Variants in DTNB observed in about 807,000 individuals in gnomAD.
DTNB encodes the protein DTN-B.
DTNB carries 63 observed loss-of-function variants against 90.7 expected under a neutral mutation model. The observed-to-expected ratio is 0.69, with a 90% CI of 0.57 to 0.86. The LOEUF is 0.86. DTNB is among the 40% of genes least tolerant of loss of function. DTNB has a pLI of 0.00. For missense variants in DTNB, 744 were observed against 807.1 expected (o/e 0.92, Z 0.95); for synonymous variants, 277 against 286.7 (o/e 0.97, Z 0.34).
At chr2:25,517,815 G>T (rs951193784) in intron 9 of DTNB, among the ~76,000 whole-genome samples, 3 of 152,134 alleles carry the variant, frequency 2.0e-5, no homozygotes, top group Admixed American at 6.5e-5. Context: ...TCTTACCAAC[G>T]GTGGATGAAT....
intron 8 of DTNB, among the ~76,000 whole-genome samples, chr2:25,567,276 A>G (rs2059187068): frequency 6.6e-6 from 1 of 152,192 alleles, no homozygotes; most frequent in South Asian, 2.1e-4. Context: ...CCATGAATAC[A>G]TATTATCTTT....
chr2:25,611,702 T>C (rs1367176031), intron 4 of DTNB, among the ~76,000 whole-genome samples: 1 of 152,152 alleles, frequency 6.6e-6, no homozygotes, highest in Admixed American at 6.5e-5. Context: ...ATCTGGGAAC[T>C]GTGGCGCATG....
At position 25,395,612 on chromosome 2, in the gene DTNB, G is replaced by C. The variant is rs528783759; in HGVS notation, c.1576-7251C>G. Among the ~76,000 whole-genome samples, 16 of 150,578 alleles carry C rather than the reference G, an allele frequency of 1.1e-4. 1 individual carries two copies. Among genetic ancestry groups the C allele is most frequent in the African/African-American group, 3.4e-4 (14 of 41,066 alleles). The stretch of plus-strand genomic sequence containing the variant: ...TACATACATCTCTCTAACCACATCA[G>C]CATCAGTTTCTAGCAATAGCAAATA... On this transcript the variant is annotated intron_variant, in intron 16 of 20. Coordinates refer to ENST00000406818, the MANE Select transcript of DTNB (RefSeq NM_021907.5).
intron 8 of DTNB, among the ~76,000 whole-genome samples, chr2:25,550,785 A>T (rs181617654): frequency 3.9e-4 from 59 of 152,182 alleles, no homozygotes; most frequent in Non-Finnish European, 6.3e-4. Context: ...GAGTAGCTGG[A>T]ACCACAGGCA....
intron 12 of DTNB, among the ~76,000 whole-genome samples, chr2:25,450,719 T>A (rs1324779095): frequency 1.3e-5 from 2 of 152,244 alleles, no homozygotes; most frequent in Non-Finnish European, 2.9e-5. Flanking sequence ...TTAATTTCTT[T>A]TAGCAATGTT....
intron 8 of DTNB, among the ~76,000 whole-genome samples, chr2:25,540,127 G>C (rs1054973065): frequency 6.6e-6 from 1 of 151,972 alleles, no homozygotes; most frequent in Non-Finnish European, 1.5e-5. Context: ...CACTATCTTC[G>C]GCCCTTTGCA....
chr2:25,594,383 A>G (rs1414741532), intron 6 of DTNB, among the ~76,000 whole-genome samples: 1 of 152,246 alleles, frequency 6.6e-6, no homozygotes, highest in Non-Finnish European at 1.5e-5. Flanking sequence ...TTTGGGAAGA[A>G]TATCTCCTCA....
At chr2:25,554,797 C>T (rs2056992736) in intron 8 of DTNB, among the ~76,000 whole-genome samples, 1 of 152,052 alleles carries the variant, frequency 6.6e-6, no homozygotes, top group Non-Finnish European at 1.5e-5. Context: ...CACCATGATG[C>T]TATTTTGATG....
intron 16 of DTNB, among the ~76,000 whole-genome samples, chr2:25,395,234 G>A (rs1293533108): frequency 6.6e-6 from 1 of 152,164 alleles, no homozygotes; most frequent in Non-Finnish European, 1.5e-5. Flanking sequence ...CGGGGAAAGG[G>A]TGGGGTGTGG....
chr2:25,431,522 C>T (rs1297084026), intron 14 of DTNB, among the ~76,000 whole-genome samples: 1 of 152,188 alleles, frequency 6.6e-6, no homozygotes, highest in Non-Finnish European at 1.5e-5. Context: ...TCTGATTACT[C>T]CAACTTCAGA....
intron 19 of DTNB, among the ~76,000 whole-genome samples, chr2:25,380,710 C>T (rs993202732): frequency 3.9e-5 from 6 of 152,148 alleles, no homozygotes; most frequent in African/African-American, 1.4e-4. Flanking sequence ...GAAAGGGAAA[C>T]CCAGTCTGAT....
chr2:25,427,297 T>A (rs1359428005), intron 15 of DTNB, among the ~76,000 whole-genome samples: 1 of 152,104 alleles, frequency 6.6e-6, no homozygotes, highest in Non-Finnish European at 1.5e-5. Context: ...TCTTATTTAT[T>A]CATAAAAGCA....
intron 2 of DTNB, chr2:25,650,243 T>C: frequency 1.0e-6 from 1 of 985,460 alleles, no homozygotes; most frequent in Non-Finnish European, 1.2e-6. Context: ...TTTCCTATTT[T>C]GTCTGCTTCC....
chr2:25,562,096 T>C (rs900659130), intron 8 of DTNB, among the ~76,000 whole-genome samples: 51 of 152,234 alleles, frequency 3.4e-4, no homozygotes, highest in African/African-American at 1.1e-3. Context: ...ACTACTAATG[T>C]ACATTCTGTT....
At chr2:25,526,395 A>ATATATATATATATTT in intron 9 of DTNB, among the ~76,000 whole-genome samples, 34 of 49,824 alleles carry the variant, frequency 6.8e-4, no homozygotes, top group South Asian at 2.0e-3. Context: ...ATATATATAT[A>ATATATATATATATTT]TTTTTTTTTT....
Position 25,546,955 on chromosome 2 carries a change from TC to T in DTNB, c.877-15359del, listed in dbSNP as rs60070696. 1.1e-4 allele frequency among the ~76,000 whole-genome samples: 16 copies of T among 152,120 alleles called. No individual in the cohort carries two copies. The East Asian group carries it at 3.1e-3, about 29-fold the overall frequency. On this transcript the variant is annotated intron_variant, in intron 8 of 20. Coordinates refer to ENST00000406818, the MANE Select transcript of DTNB (RefSeq NM_021907.5). ...TTGATCTCTTGGCCTCAAGTAATCCTCCCACCTCAGCCTTCTGAGTAGCTAG... is the reference window on the plus strand; with the variant it reads ...TTGATCTCTTGGCCTCAAGTAATCCTCCACCTCAGCCTTCTGAGTAGCTAG...
chr2:25,445,850 T>C (rs1481657139), intron 12 of DTNB, among the ~76,000 whole-genome samples: 1 of 151,938 alleles, frequency 6.6e-6, no homozygotes, highest in Non-Finnish European at 1.5e-5. Flanking sequence ...AGTTAAATCT[T>C]AGTAGTTAGG....
In DTNB at chr2:25,574,106, T is replaced by C. The variant is rs60288071; in HGVS notation, c.876+2732A>G. Among the ~76,000 whole-genome samples the C allele has an allele frequency of 6.6e-3, 1,001 of 152,280 alleles. 12 individuals carry two copies. Among genetic ancestry groups the C allele is most frequent in the African/African-American group, 0.023 (952 of 41,544 alleles). ...GGCAAGAACTACTCACATGGTTCCA[T>C]TTAGCTACACGAAGGCTGAAAAGTG... On this transcript the variant is annotated intron_variant, in intron 8 of 20. Transcript: ENST00000406818.
chr2:25,665,644 T>C (rs2084254263), intron 1 of DTNB, among the ~76,000 whole-genome samples: 1 of 151,810 alleles, frequency 6.6e-6, no homozygotes, highest in East Asian at 1.9e-4. Context: ...AAAAAGTTAG[T>C]GATGACTAAG....
Sources: gnomAD v4.1 joint callset for allele counts (sites outside exome capture counted in the v4.1 genomes callset) on GRCh38, gnomAD v4.1.1 for gene constraint, MANE v1.5 for transcripts, NCBI Gene and HGNC (gene_info 2026-07-23, HGNC 2026-07-21) for gene names.